Variants in HLA-DRB1 observed in about 807,000 individuals in gnomAD.
HLA-DRB1 encodes major histocompatibility complex, class II, DR beta 1.
Under a neutral mutation model 27.9 loss-of-function variants are expected in HLA-DRB1, and 10 were observed. The ratio of observed to expected loss-of-function variants is 0.36; its 90% confidence interval spans 0.22 to 0.61. The LOEUF (loss-of-function observed/expected upper bound fraction) is 0.61, where lower values mean the gene tolerates loss of function less well. HLA-DRB1 is among the 20% of genes least tolerant of loss of function. HLA-DRB1 has a pLI of 0.73. For synonymous variants in HLA-DRB1, 57 were observed against 126.7 expected (o/e 0.45, Z 3.69); for missense variants, 118 against 306.3 (o/e 0.39, Z 4.59).
chr6:32,586,014 G>A lies in HLA-DRB1; in HGVS notation c.101-1636C>T, dbSNP rs143892511. Among the ~76,000 whole-genome samples the A allele has an allele frequency of 3.2e-3, 366 of 113,310 alleles. No homozygotes were observed. The East Asian group carries it at 0.042, about 13-fold the overall frequency. The allele number at this position is 113,310 out of a possible 152,430, so 74.3% of individuals were successfully genotyped here. On this transcript the variant is annotated intron_variant, in intron 1 of 5. Transcript: ENST00000360004. The stretch of plus-strand genomic sequence containing the variant: ...TATCACTCCATTCTCATGACCTAGA[G>A]TAATAACTGGTATATGCTATGTCAC...
intron 1 of HLA-DRB1, among the ~76,000 whole-genome samples, chr6:32,587,039 A>G (rs9270109): frequency 0.28 from 16,532 of 58,886 alleles, 5,070 homozygotes; most frequent in Admixed American, 0.32. Context: ...CCTAACCACT[A>G]GTGAACCCCA....
chr6:32,588,471 C>G (rs28724200), intron 1 of HLA-DRB1, among the ~76,000 whole-genome samples: 2,375 of 58,368 alleles, frequency 0.041, 213 homozygotes, highest in East Asian at 0.058. Context: ...GAAAAAAAGT[C>G]TCTTTCAATG....
At chr6:32,583,938 C>G (rs141975225) in intron 2 of HLA-DRB1, among the ~76,000 whole-genome samples, 171 bp downstream of exon 2, 934 of 47,854 alleles carry the variant, frequency 0.02, 258 homozygotes, top group Non-Finnish European at 0.022. Flanking sequence ...ACTGCTTGCT[C>G]CGGACTGAGA....
At chr6:32,585,687 T>G (rs1776292352) in intron 1 of HLA-DRB1, among the ~76,000 whole-genome samples, 2 of 116,650 alleles carry the variant, frequency 1.7e-5, no homozygotes, top group Non-Finnish European at 1.7e-5. Context: ...GCAGAAACAC[T>G]GGTTTATGTC....
chr6:32,589,431 T>G, intron 1 of HLA-DRB1, among the ~76,000 whole-genome samples: 1 of 64,896 alleles, frequency 1.5e-5, no homozygotes, highest in Non-Finnish European at 3.2e-5. Flanking sequence ...AAAGAAATGA[T>G]TTGTGCAAAG....
At chr6:32,587,365 G>C (rs146049519) in intron 1 of HLA-DRB1, among the ~76,000 whole-genome samples, 4,132 of 53,974 alleles carry the variant, frequency 0.077, 1,778 homozygotes, top group Middle Eastern at 0.24. Flanking sequence ...CTGGGCAACA[G>C]AGAGAGACTC....
chr6:32,589,637 A>T lies in HLA-DRB1; in HGVS notation c.100+6T>A, dbSNP rs199613467. 0.053 allele frequency: 38,449 copies of T among 728,352 alleles called. 5,790 individuals carry two copies. Among genetic ancestry groups the T allele is most frequent in the African/African-American group, 0.22 (6,466 of 29,338 alleles). 45.1% of individuals were successfully genotyped at this position (728,352 alleles called of 1,614,324 possible). A position where few individuals can be genotyped will look rare whatever the true frequency, so the allele number is the denominator to read the frequency against. The stretch of plus-strand genomic sequence containing the variant: ...TAGTAGCTCAGCACCCGCAATGTGC[A>T]CTTACGTCGGGTGTCCCCAGACAAA... On this transcript the variant is annotated splice_donor_region_variant and intron_variant, in intron 1 of 5. Transcript: ENST00000360004.
chr6:32,589,793 C>G (rs1461778436), exon 1 of HLA-DRB1: 2 of 507,142 alleles, frequency 3.9e-6, no homozygotes, highest in African/African-American at 3.8e-5. Flanking sequence ...AAGTCTCACT[C>G]AGGGAGAACT....
chr6:32,588,912 G>T (rs9270226), intron 1 of HLA-DRB1, among the ~76,000 whole-genome samples: 73,041 of 107,758 alleles, frequency 0.68, 26,950 homozygotes, highest in Middle Eastern at 0.85. Flanking sequence ...TAATGAACAC[G>T]AACCTGGGCT....
At chr6:32,584,607 A>AC (rs1554127301) in intron 1 of HLA-DRB1, among the ~76,000 whole-genome samples, 10,221 of 98,458 alleles carry the variant, frequency 0.1, 93 homozygotes, top group Middle Eastern at 0.15. Flanking sequence ...GGCTTTTGGG[A>AC]CCCCCTCCCT....
chr6:32,580,875 T>A lies in HLA-DRB1; in HGVS notation c.653-19A>T, dbSNP rs28732282. On this transcript the variant is annotated intron_variant, in intron 3 of 5. Transcript: ENST00000360004. Reference sequence around the variant, plus strand: ...CGTGCTCCTGAGAGAGGAAGCCAGGTTTAGTGATGTTTATTCCAAATTGAA... The same window carrying A: ...CGTGCTCCTGAGAGAGGAAGCCAGGATTAGTGATGTTTATTCCAAATTGAA... The A allele has an allele frequency of 0.085, 123,021 of 1,455,016 alleles. 1,351 individuals carry two copies. Among genetic ancestry groups the A allele is most frequent in the Non-Finnish European group, 0.093 (98,948 of 1,060,134 alleles). 90.1% of individuals were successfully genotyped at this position (1,455,016 alleles called of 1,614,324 possible).
intron 1 of HLA-DRB1, among the ~76,000 whole-genome samples, chr6:32,586,424 A>G (rs35818801): frequency 1.0e-5 from 1 of 98,374 alleles, no homozygotes; most frequent in Non-Finnish European, 2.0e-5. Context: ...CCCTCCTCTT[A>G]GTGGTACTCA....
intron 2 of HLA-DRB1, 42 bp downstream of exon 2, chr6:32,584,067 C>CACACACACA: frequency 1.9e-6 from 1 of 531,674 alleles, no homozygotes; most frequent in South Asian, 1.8e-5. Context: ...ACTCAGATTC[C>CACACACACA]CAGCTCACGG....
intron 1 of HLA-DRB1, among the ~76,000 whole-genome samples, chr6:32,585,176 C>T (rs116743472): frequency 0.42 from 36,042 of 85,776 alleles, 10,968 homozygotes; most frequent in Middle Eastern, 0.56. Context: ...ATGATAAATG[C>T]AAAATGAATG....
chr6:32,582,886 A>G (rs1171708366), intron 2 of HLA-DRB1, among the ~76,000 whole-genome samples: 7 of 134,442 alleles, frequency 5.2e-5, no homozygotes, highest in African/African-American at 2.0e-4. Flanking sequence ...AGAAGTAAGG[A>G]GAAACCTGGA....
At chr6:32,583,921 T>A (rs9269930) in intron 2 of HLA-DRB1, among the ~76,000 whole-genome samples, 188 bp downstream of exon 2, 617 of 29,226 alleles carry the variant, frequency 0.021, 248 homozygotes, top group African/African-American at 0.09. Context: ...ACACCTGTGC[T>A]CTCAGAACTG....
At chr6:32,582,234 A>ACCC (rs1775645828) in intron 2 of HLA-DRB1, among the ~76,000 whole-genome samples, 1 of 141,668 alleles carries the variant, frequency 7.1e-6, no homozygotes, top group Non-Finnish European at 1.5e-5. Flanking sequence ...TTTGTCACCT[A>ACCC]CAATGAAGGA....
intron 1 of HLA-DRB1, among the ~76,000 whole-genome samples, chr6:32,586,415 C>T (rs373993543): frequency 0.17 from 12,797 of 74,724 alleles, 30 homozygotes; most frequent in East Asian, 0.23. Context: ...CTCACTTGCC[C>T]CTCCTCTTAG....
chr6:32,584,761 C>T (rs183872958), intron 1 of HLA-DRB1, among the ~76,000 whole-genome samples: 570 of 62,632 alleles, frequency 9.1e-3, no homozygotes, highest in Non-Finnish European at 0.011. Flanking sequence ...CCTTCAACAG[C>T]ACCCACCGCG....
Sources: allele counts gnomAD v4.1 joint callset (sites outside exome capture counted in the v4.1 genomes callset), GRCh38; gene constraint gnomAD v4.1.1; transcripts MANE v1.5; gene names NCBI Gene and HGNC (gene_info 2026-07-23, HGNC 2026-07-21).